CTNNA3: variants seen among roughly 807,000 people sequenced by gnomAD.
CTNNA3 encodes the protein catenin alpha-3.
A neutral mutation model predicts 95.7 loss-of-function variants in CTNNA3; 76 were observed. The ratio of observed to expected loss-of-function variants is 0.79; its 90% confidence interval spans 0.66 to 0.96. The LOEUF (loss-of-function observed/expected upper bound fraction) is 0.96. CTNNA3 is among the 40% of genes least tolerant of loss of function. CTNNA3 has a pLI of 0.00. For synonymous variants in CTNNA3, 431 were observed against 374.4 expected (o/e 1.15, Z -1.74); for missense variants, 1,191 against 1,089.8 (o/e 1.09, Z -1.31).
At chr10:66,368,077 C>G (rs905904265) in intron 12 of CTNNA3, among the ~76,000 whole-genome samples, 2 of 151,218 alleles carry the variant, frequency 1.3e-5, no homozygotes, top group East Asian at 1.9e-4. Flanking sequence ...CTGTTTTTCC[C>G]ATCTCTTGTT....
intron 11 of CTNNA3, among the ~76,000 whole-genome samples, chr10:66,441,678 T>C (rs1015394585): frequency 1.3e-5 from 2 of 152,202 alleles, no homozygotes; most frequent in African/African-American, 4.8e-5. Context: ...GACATATCCA[T>C]TGTATGCTTT....
intron 15 of CTNNA3, among the ~76,000 whole-genome samples, chr10:66,039,273 T>C (rs1292475166): frequency 6.6e-6 from 1 of 152,018 alleles, no homozygotes; most frequent in African/African-American, 2.4e-5. Context: ...AAAACATTCC[T>C]ACTAGGAAGA....
intron 11 of CTNNA3, among the ~76,000 whole-genome samples, chr10:66,475,867 A>G (rs1839307473): frequency 6.6e-6 from 1 of 152,158 alleles, no homozygotes; most frequent in African/African-American, 2.4e-5. Flanking sequence ...TACTGGGTAT[A>G]TACTCAAAGA....
chr10:66,011,285 A>G (rs1024682880), intron 15 of CTNNA3, among the ~76,000 whole-genome samples: 1 of 151,204 alleles, frequency 6.6e-6, no homozygotes, highest in East Asian at 1.9e-4. Context: ...TGTATATTTT[A>G]TCTTCTCTTT....
intron 11 of CTNNA3, among the ~76,000 whole-genome samples, chr10:66,490,257 T>A (rs1839877525): frequency 6.6e-6 from 1 of 152,108 alleles, no homozygotes; most frequent in South Asian, 2.1e-4. Flanking sequence ...TTATATAATA[T>A]TTTTTCATAA....
At chr10:66,490,040 G>A (rs1839870122) in intron 11 of CTNNA3, among the ~76,000 whole-genome samples, 1 of 152,154 alleles carries the variant, frequency 6.6e-6, no homozygotes, top group African/African-American at 2.4e-5. Flanking sequence ...TTTCTATCGA[G>A]TGGGAATTAG....
At chr10:66,001,673 T>C (rs1244837051) in intron 15 of CTNNA3, among the ~76,000 whole-genome samples, 20 of 152,152 alleles carry the variant, frequency 1.3e-4, no homozygotes, top group Admixed American at 1.3e-3. Flanking sequence ...TCAAATGTCA[T>C]TTTTTCTTTC....
At chr10:66,858,006 GC>G (rs1843748883) in intron 7 of CTNNA3, among the ~76,000 whole-genome samples, 1 of 152,038 alleles carries the variant, frequency 6.6e-6, no homozygotes. Context: ...AATGCTTCTA[GC>G]TTTTACCCAT....
At chr10:66,349,610 A>T (rs1020856848) in intron 12 of CTNNA3, among the ~76,000 whole-genome samples, 1 of 152,134 alleles carries the variant, frequency 6.6e-6, no homozygotes, top group Non-Finnish European at 1.5e-5. Flanking sequence ...TTCTATTTTG[A>T]AACAGTTGCA....
Position 66,377,344 on chromosome 10 carries a change from A to G in CTNNA3, c.1732+1808T>C, listed in dbSNP as rs1047790337. On this transcript the variant is annotated intron_variant, in intron 12 of 17. Transcript: ENST00000433211. ...AAATTATATACAACTAATTAGAAGA[A>G]AACAGATTTTTTTCTCTTCTGAATG... is the stretch of plus-strand genomic sequence containing the variant. 5.3e-4 allele frequency among the ~76,000 whole-genome samples: 80 copies of G among 152,088 alleles called. 1 individual carries two copies. Among genetic ancestry groups the G allele is most frequent in the African/African-American group, 1.7e-3 (72 of 41,446 alleles).
intron 9 of CTNNA3, among the ~76,000 whole-genome samples, chr10:66,653,143 T>C (rs1036953032): frequency 1.3e-5 from 2 of 152,036 alleles, no homozygotes; most frequent in African/African-American, 2.4e-5. Flanking sequence ...GAAAAATAAA[T>C]GGCATCCAGA....
chr10:67,180,282 G>A, intron 7 of CTNNA3, 35 bp downstream of exon 7: 1 of 1,553,478 alleles, frequency 6.4e-7, no homozygotes, highest in Non-Finnish European at 8.9e-7. Context: ...CAAGGGAAGA[G>A]GGGCTAGGGA....
intron 5 of CTNNA3, among the ~76,000 whole-genome samples, chr10:67,244,965 C>T (rs1017552966): frequency 1.3e-5 from 2 of 152,148 alleles, no homozygotes; most frequent in Admixed American, 6.6e-5. Flanking sequence ...CTCTCATATC[C>T]CACATCCAGT....
At chr10:67,356,010 A>T (rs1230673687) in intron 5 of CTNNA3, among the ~76,000 whole-genome samples, 1 of 151,992 alleles carries the variant, frequency 6.6e-6, no homozygotes, top group Non-Finnish European at 1.5e-5. Flanking sequence ...GACCATCAAG[A>T]GAAATTCCAT....
intron 11 of CTNNA3, among the ~76,000 whole-genome samples, chr10:66,517,016 T>G (rs1402609228): frequency 6.6e-6 from 1 of 151,662 alleles, no homozygotes; most frequent in Admixed American, 6.6e-5. Context: ...AGGTCAGGAG[T>G]TCGAGACCAG....
At chr10:66,498,944 T>C (rs970124721) in intron 11 of CTNNA3, among the ~76,000 whole-genome samples, 7 of 152,316 alleles carry the variant, frequency 4.6e-5, no homozygotes, top group Admixed American at 3.9e-4. Context: ...AAAAATCATA[T>C]ACAAGTTTAT....
chr10:67,750,871 A>T (rs1262529015), intron 1 of CTNNA3: 1 of 1,610,790 alleles, frequency 6.2e-7, no homozygotes, highest in Non-Finnish European at 8.5e-7. Context: ...GGAGAAACTG[A>T]TCCAGTACTG....
chr10:65,946,091 C>T (rs1216379005), intron 17 of CTNNA3, among the ~76,000 whole-genome samples: 2 of 152,058 alleles, frequency 1.3e-5, no homozygotes, highest in Non-Finnish European at 2.9e-5. Flanking sequence ...AGCTTTGTGA[C>T]CTTGGATAGT....
At chr10:66,288,238 A>C (rs1447522763) in intron 12 of CTNNA3, among the ~76,000 whole-genome samples, 1 of 152,134 alleles carries the variant, frequency 6.6e-6, no homozygotes, top group Non-Finnish European at 1.5e-5. Flanking sequence ...TAAAGGAATA[A>C]GAAGACTTGT....
Sources: gnomAD v4.1 joint callset for allele counts (sites outside exome capture counted in the v4.1 genomes callset) on GRCh38, gnomAD v4.1.1 for gene constraint, MANE v1.5 for transcripts, NCBI Gene and HGNC (gene_info 2026-07-23, HGNC 2026-07-21) for gene names.